RIMS2: variants seen among roughly 807,000 people sequenced by gnomAD.
RIMS2 encodes regulating synaptic membrane exocytosis protein 2.
In RIMS2, 59 loss-of-function variants were observed where a neutral mutation model predicts 174.4. The ratio of observed to expected loss-of-function variants is 0.34; its 90% CI spans 0.27 to 0.42. The LOEUF is 0.42. Among genes scored for constraint, RIMS2 ranks in the 10% least tolerant of loss-of-function variants. RIMS2 has a pLI of 1.00. For synonymous variants in RIMS2, 606 were observed against 572.5 expected (o/e 1.06, Z -0.84); for missense variants, 1,620 against 1,666.3 (o/e 0.97, Z 0.48).
chr8:103,639,984 C>T (rs1019048094), intron 1 of RIMS2, among the ~76,000 whole-genome samples: 1 of 151,652 alleles, frequency 6.6e-6, no homozygotes, highest in South Asian at 2.1e-4. Context: ...GACATACTTC[C>T]GTATTTATTT....
chr8:104,028,523 A>G (rs981619921), intron 19 of RIMS2, among the ~76,000 whole-genome samples: 1 of 152,104 alleles, frequency 6.6e-6, no homozygotes, highest in Non-Finnish European at 1.5e-5. Flanking sequence ...TATGACTTTA[A>G]TTATGTTTTA....
chr8:103,972,636 T>C (rs2093007966), intron 15 of RIMS2, among the ~76,000 whole-genome samples: 1 of 152,210 alleles, frequency 6.6e-6, no homozygotes, highest in African/African-American at 2.4e-5. Context: ...TCCTCCTTGC[T>C]GTTCTGTGAA....
chr8:103,736,756 T>C (rs756526650), intron 2 of RIMS2, among the ~76,000 whole-genome samples: 1 of 152,204 alleles, frequency 6.6e-6, no homozygotes, highest in Non-Finnish European at 1.5e-5. Flanking sequence ...CATAATATAA[T>C]GGCCTATAAT....
chr8:104,169,198 C>G (rs912372377), intron 19 of RIMS2, among the ~76,000 whole-genome samples: 5 of 150,994 alleles, frequency 3.3e-5, no homozygotes, highest in Non-Finnish European at 5.9e-5. Context: ...CTTCCTCTTT[C>G]TCTGTCTTTT....
At chr8:103,631,513 G>A (rs1033904934) in intron 1 of RIMS2, among the ~76,000 whole-genome samples, 23 of 152,146 alleles carry the variant, frequency 1.5e-4, no homozygotes, top group African/African-American at 4.8e-4. Context: ...TACCAGTACC[G>A]AGCTGTTTGG....
chr8:104,119,006 AAT>A, intron 19 of RIMS2, among the ~76,000 whole-genome samples: 1 of 152,170 alleles, frequency 6.6e-6, no homozygotes, highest in East Asian at 1.9e-4. Flanking sequence ...TATCACCAGG[AAT>A]TTTTGAGGGA....
intron 1 of RIMS2, among the ~76,000 whole-genome samples, chr8:103,669,358 A>G (rs900047244): frequency 2.0e-5 from 3 of 152,196 alleles, no homozygotes; most frequent in African/African-American, 4.8e-5. Flanking sequence ...ACATAGCTGT[A>G]CCATATCACT....
intron 2 of RIMS2, among the ~76,000 whole-genome samples, chr8:103,754,528 G>C (rs536489474): frequency 6.6e-6 from 1 of 152,222 alleles, no homozygotes; most frequent in Non-Finnish European, 1.5e-5. Context: ...TGACAGTGGG[G>C]TGTTAAAGTG....
chr8:103,875,445 T>G (rs1206614164), intron 3 of RIMS2, among the ~76,000 whole-genome samples: 1 of 152,042 alleles, frequency 6.6e-6, no homozygotes. Context: ...GATGATTTCC[T>G]TATATTTTAT....
chr8:103,537,259 T>C (rs935161458), intron 1 of RIMS2, among the ~76,000 whole-genome samples: 7 of 152,224 alleles, frequency 4.6e-5, no homozygotes, highest in Non-Finnish European at 1.0e-4. Context: ...AGTGATTATA[T>C]TGTAATTGAG....
intron 19 of RIMS2, among the ~76,000 whole-genome samples, chr8:104,210,228 G>A (rs189670024): frequency 1.3e-5 from 2 of 152,196 alleles, no homozygotes; most frequent in East Asian, 3.9e-4. Context: ...CCATGAAAGA[G>A]GACTTTTTTA....
chr8:103,883,446 C>T (rs879641151), intron 3 of RIMS2, among the ~76,000 whole-genome samples: 1 of 151,598 alleles, frequency 6.6e-6, no homozygotes, highest in Non-Finnish European at 1.5e-5. Flanking sequence ...TACACAGAAA[C>T]ATAGGGTGTT....
At chr8:103,737,354 T>A in intron 2 of RIMS2, among the ~76,000 whole-genome samples, 1 of 151,746 alleles carries the variant, frequency 6.6e-6, no homozygotes, top group East Asian at 1.9e-4. Context: ...TGGCTAATTT[T>A]TTTCTATTTT....
intron 3 of RIMS2, among the ~76,000 whole-genome samples, chr8:103,825,423 G>A (rs986839478): frequency 2.0e-5 from 3 of 150,828 alleles, no homozygotes; most frequent in African/African-American, 4.9e-5. Context: ...AGGACCACAG[G>A]CATGTGCCAC....
rs998955952 is a variant in RIMS2 at position 103,961,049 on chromosome 8, A to G, written c.2702-16A>G. 5 of 1,303,296 alleles carry G rather than the reference A, an allele frequency of 3.8e-6. No individual in the cohort carries two copies. Among genetic ancestry groups the G allele is most frequent in the Admixed American group, 1.7e-5 (1 of 57,780 alleles). 80.7% of individuals were successfully genotyped at this position (1,303,296 alleles called of 1,614,324 possible). A position where few individuals can be genotyped will look rare whatever the true frequency, so the allele number is the denominator to read the frequency against. On this transcript the variant is annotated splice_polypyrimidine_tract_variant and intron_variant, in intron 14 of 23. Transcript: ENST00000504942. ...AGAATCAGAATTTTTAATTATTGCT[A>G]TTGTTTACTTTATAGGGTCAAAGAG... is the stretch of plus-strand genomic sequence containing the variant.
At chr8:103,906,195 C>A (rs1372828184) in intron 4 of RIMS2, among the ~76,000 whole-genome samples, 1 of 152,052 alleles carries the variant, frequency 6.6e-6, no homozygotes, top group African/African-American at 2.4e-5. Flanking sequence ...ACTTATTCAA[C>A]AAGTGTTTAG....
At chr8:104,174,081 G>T (rs2098851084) in intron 19 of RIMS2, among the ~76,000 whole-genome samples, 1 of 151,752 alleles carries the variant, frequency 6.6e-6, no homozygotes, top group African/African-American at 2.4e-5. Context: ...CAAGTAGTTG[G>T]GATTACAGGT....
At chr8:104,097,205 C>T (rs1301473011) in intron 19 of RIMS2, among the ~76,000 whole-genome samples, 2 of 152,052 alleles carry the variant, frequency 1.3e-5, no homozygotes, top group Non-Finnish European at 2.9e-5. Context: ...GGAATTTTTA[C>T]ATATATATAA....
At chr8:104,055,218 T>C (rs2096849452) in intron 19 of RIMS2, among the ~76,000 whole-genome samples, 1 of 152,176 alleles carries the variant, frequency 6.6e-6, no homozygotes, top group South Asian at 2.1e-4. Flanking sequence ...TATATCATCA[T>C]TTTAATGCCA....
Sources: allele counts gnomAD v4.1 joint callset (sites outside exome capture counted in the v4.1 genomes callset), GRCh38; gene constraint gnomAD v4.1.1; transcripts MANE v1.5; gene names NCBI Gene and HGNC (gene_info 2026-07-23, HGNC 2026-07-21).